Variants in PPP3CC observed in about 807,000 individuals in gnomAD.
The protein encoded by PPP3CC is protein phosphatase 3 catalytic subunit gamma.
In PPP3CC, 35 loss-of-function variants were observed where a neutral mutation model predicts 60.3. The ratio of observed to expected loss-of-function variants is 0.58; its 90% CI spans 0.44 to 0.77. The LOEUF is 0.77. Among genes scored for constraint, PPP3CC ranks in the 30% least tolerant of loss-of-function variants. The probability of loss-of-function intolerance (pLI) is 0.00; values close to 1 mark genes in which losing one functional copy is unlikely to be tolerated. For synonymous variants in PPP3CC, 206 were observed against 224.3 expected (o/e 0.92, Z 0.73); for missense variants, 570 against 628.9 (o/e 0.91, Z 1.00).
chr8:22,512,526 A>T (rs997057059), intron 5 of PPP3CC, among the ~76,000 whole-genome samples: 1 of 152,246 alleles, frequency 6.6e-6, no homozygotes, highest in African/African-American at 2.4e-5. Flanking sequence ...TTACAAAATT[A>T]GCATTCTTTA....
intron 1 of PPP3CC, among the ~76,000 whole-genome samples, chr8:22,452,603 T>G (rs1055826066): frequency 1.3e-5 from 2 of 152,196 alleles, no homozygotes; most frequent in African/African-American, 4.8e-5. Context: ...GCTCAAGTGA[T>G]TCTCTTGCCT....
At chr8:22,458,839 T>G (rs1394438471) in intron 1 of PPP3CC, among the ~76,000 whole-genome samples, 2 of 151,852 alleles carry the variant, frequency 1.3e-5, no homozygotes, top group Non-Finnish European at 2.9e-5. Flanking sequence ...ACCAGAGGAG[T>G]TGATGATTTT....
intron 1 of PPP3CC, among the ~76,000 whole-genome samples, chr8:22,455,852 C>G (rs62492582): frequency 6.6e-6 from 1 of 151,886 alleles, no homozygotes; most frequent in Non-Finnish European, 1.5e-5. Context: ...CAGTTTTTAG[C>G]TAATACTTTG....
At chr8:22,486,055 C>A (rs188090606) in intron 3 of PPP3CC, among the ~76,000 whole-genome samples, 1 of 151,776 alleles carries the variant, frequency 6.6e-6, no homozygotes, top group African/African-American at 2.4e-5. Flanking sequence ...TGCTTCCCCC[C>A]CGCCCTCTTG....
At chr8:22,466,088 T>G (rs1007426287) in intron 1 of PPP3CC, among the ~76,000 whole-genome samples, 3 of 152,076 alleles carry the variant, frequency 2.0e-5, no homozygotes, top group African/African-American at 7.2e-5. Context: ...ACATGTGGTG[T>G]TTGGTTTTCT....
Position 22,528,590 on chromosome 8 carries a change from T to C in PPP3CC, c.1141+13T>C. On this transcript the variant is annotated intron_variant, in intron 10 of 13. Transcript: ENST00000240139. ...GATGAAGCAGAAGGTAAACTTTTCC[T>C]CCTTTGAACTAAAACTAGAAAGAGG... 1 of 1,504,244 alleles carries C rather than the reference T, an allele frequency of 6.6e-7. No individual in the cohort carries two copies. The highest frequency in any genetic ancestry group is 9.0e-7 in the Non-Finnish European group (1 of 1,115,858). 93.2% of individuals were successfully genotyped at this position (1,504,244 alleles called of 1,614,324 possible). A position where few individuals can be genotyped will look rare whatever the true frequency, so the allele number is the denominator to read the frequency against.
chr8:22,486,341 T>A (rs1838223813), intron 3 of PPP3CC, among the ~76,000 whole-genome samples: 1 of 152,112 alleles, frequency 6.6e-6, no homozygotes, highest in South Asian at 2.1e-4. Context: ...GAATTCTGGG[T>A]GGTCTGAACT....
At chr8:22,441,682 G>T (rs967705638) in intron 1 of PPP3CC, among the ~76,000 whole-genome samples, 11 of 152,016 alleles carry the variant, frequency 7.2e-5, no homozygotes, top group African/African-American at 2.7e-4. Flanking sequence ...GTTCCCTCCC[G>T]AAGGGTTCAG....
chr8:22,499,586 A>G (rs999229743), intron 4 of PPP3CC, among the ~76,000 whole-genome samples: 1 of 152,224 alleles, frequency 6.6e-6, no homozygotes, highest in Non-Finnish European at 1.5e-5. Flanking sequence ...GCGAGACTCC[A>G]TCTCAAAAAA....
At chr8:22,446,849 G>A (rs1460909296) in intron 1 of PPP3CC, among the ~76,000 whole-genome samples, 1 of 138,000 alleles carries the variant, frequency 7.2e-6, no homozygotes, top group African/African-American at 2.6e-5. Context: ...TTTTAGACAT[G>A]TCTCTATTAG....
chr8:22,492,228 A>G (rs1231170172), intron 3 of PPP3CC, among the ~76,000 whole-genome samples: 1 of 152,040 alleles, frequency 6.6e-6, no homozygotes, highest in East Asian at 1.9e-4. Flanking sequence ...ATCTAGATGT[A>G]GAAAAGATAC....
chr8:22,455,219 T>C (rs1401371248), intron 1 of PPP3CC, among the ~76,000 whole-genome samples: 4 of 152,188 alleles, frequency 2.6e-5, no homozygotes, highest in Admixed American at 6.5e-5. Flanking sequence ...TGGTTATGCT[T>C]AGAAGGGTTA....
At chr8:22,498,699 T>G (rs1838665709) in intron 4 of PPP3CC, among the ~76,000 whole-genome samples, 1 of 152,258 alleles carries the variant, frequency 6.6e-6, no homozygotes, top group South Asian at 2.1e-4. Context: ...AGTGTTATTT[T>G]AGTTTTTTTA....
chr8:22,496,334 T>A (rs1207895203), intron 3 of PPP3CC, among the ~76,000 whole-genome samples: 2 of 151,930 alleles, frequency 1.3e-5, no homozygotes, highest in African/African-American at 2.4e-5. Context: ...CCTCATAGTG[T>A]CTCTTTTTAG....
chr8:22,472,157 T>G (rs60220977), intron 1 of PPP3CC, among the ~76,000 whole-genome samples: 214 of 152,100 alleles, frequency 1.4e-3, no homozygotes, highest in African/African-American at 5.0e-3. Flanking sequence ...TTTAATAATA[T>G]ATTAAACTTA....
At chr8:22,492,005 A>G (rs1342642284) in intron 3 of PPP3CC, among the ~76,000 whole-genome samples, 5 of 152,238 alleles carry the variant, frequency 3.3e-5, no homozygotes, top group Non-Finnish European at 7.4e-5. Context: ...ATCGTTTAAT[A>G]AGGAGGGTAC....
At chr8:22,479,049 C>A (rs1837983639) in intron 3 of PPP3CC, among the ~76,000 whole-genome samples, 1 of 152,102 alleles carries the variant, frequency 6.6e-6, no homozygotes, top group African/African-American at 2.4e-5. Flanking sequence ...CATTGGAAGT[C>A]ACTTATTTAT....
chr8:22,444,175 G>A (rs1398382272), intron 1 of PPP3CC, among the ~76,000 whole-genome samples: 1 of 150,954 alleles, frequency 6.6e-6, no homozygotes, highest in Non-Finnish European at 1.5e-5. Flanking sequence ...AGAATCGCTT[G>A]AACCCAGGAG....
intron 2 of PPP3CC, 68 bp downstream of exon 2, chr8:22,475,219 T>G: frequency 7.1e-7 from 1 of 1,414,444 alleles, no homozygotes; most frequent in Non-Finnish European, 9.7e-7. Flanking sequence ...GAGAAATAAT[T>G]ACAAATAACC....
Sources: allele counts gnomAD v4.1 joint callset (sites outside exome capture counted in the v4.1 genomes callset), GRCh38; gene constraint gnomAD v4.1.1; transcripts MANE v1.5; gene names NCBI Gene and HGNC (gene_info 2026-07-23, HGNC 2026-07-21).